The following PAK4 variants were observed in gnomAD, a reference collection of about 807,000 sequenced individuals.
PAK4 encodes serine/threonine-protein kinase PAK 4.
Under a neutral mutation model 53.5 loss-of-function variants are expected in PAK4, and 49 were observed. That is an observed-to-expected ratio of 0.92 (90% CI 0.73 to 1.16). The LOEUF is 1.16. Among genes scored for constraint, PAK4 ranks in the 50% most tolerant of loss-of-function variants. PAK4 has a pLI of 0.00. For synonymous variants in PAK4, 376 were observed against 375.6 expected (o/e 1.00, Z -0.01); for missense variants, 824 against 850.7 (o/e 0.97, Z 0.39).
At chr19:39,179,834 GAC>G (rs985313623), downstream of PAK4, 1 of 152,274 alleles carries the variant, frequency 6.6e-6, no homozygotes, top group Non-Finnish European at 1.5e-5. Context: ...GCTTCGGAGA[GAC>G]ACCCTGTGAA....
chr19:39,165,827 C>G (rs867677135), intron 1 of PAK4, among the ~76,000 whole-genome samples: 1 of 152,230 alleles, frequency 6.6e-6, no homozygotes, highest in Admixed American at 6.5e-5. Flanking sequence ...CCGGAACCCG[C>G]GAATCTCTGC....
intron 1 of PAK4, among the ~76,000 whole-genome samples, chr19:39,144,543 TG>T (rs1430683746): frequency 6.6e-6 from 1 of 152,170 alleles, no homozygotes; most frequent in Non-Finnish European, 1.5e-5. Context: ...CTTGTTGATC[TG>T]GGTTTGTTCT....
intron 7 of PAK4, 147 bp from the exon 9 acceptor site, chr19:39,177,528 G>C: frequency 2.6e-6 from 2 of 776,224 alleles, no homozygotes; most frequent in Non-Finnish European, 3.9e-6. Context: ...TCTGTGGACT[G>C]CTGGCTGGGT....
At chr19:39,164,856 G>T (rs1240757761) in intron 1 of PAK4, among the ~76,000 whole-genome samples, 1 of 152,148 alleles carries the variant, frequency 6.6e-6, no homozygotes, top group Admixed American at 6.6e-5. Context: ...TCTGCTCTGG[G>T]CCATGGGTCC....
At position 39,175,222 on chromosome 19, in the gene PAK4, G is replaced by C; in HGVS notation, c.1233-90G>C. On this transcript the variant is annotated intron_variant, in intron 5 of 8. Transcript: ENST00000358301. The surrounding 1 kb of genome is among the most constrained non-coding windows in gnomAD (Gnocchi z 4.7). ...TCCAGAGTGGGGTCGAGTGGTCTCA[G>C]ATTCCTCCCACTGCAAGGCAGGGCT... The C allele has an allele frequency of 6.7e-7, 1 of 1,487,338 alleles. No individual in the cohort carries two copies. The highest frequency in any genetic ancestry group is 2.4e-5 in the East Asian group (1 of 41,774). The allele number at this position is 1,487,338 out of a possible 1,614,324, so 92.1% of individuals were successfully genotyped here. A position where few individuals can be genotyped will look rare whatever the true frequency, so the allele number is the denominator to read the frequency against.
chr19:39,173,993 G>T lies in PAK4; in HGVS notation c.1081G>T (p.Glu361Ter). The T allele has an allele frequency of 6.3e-7, 1 of 1,599,220 alleles. No homozygotes were observed. Among genetic ancestry groups the T allele is most frequent in the Non-Finnish European group, 8.5e-7 (1 of 1,175,178 alleles). Residue 361 changes from glutamate (E) to a stop codon, truncating the protein, a stop_gained, in exon 4 of 9, where the codon GAG becomes TAG. Coordinates refer to ENST00000358301, the Ensembl canonical transcript of PAK4. LOFTEE classifies it high-confidence loss of function. This position sits in a 1 kb window ranked among gnomAD's most constrained non-coding sequence, Gnocchi z 6.9. ...GGACCTGCGCAAGCAGCAGAGGCGCGAGCTGCTCTTCAACGAGGTGCGGGC... is the reference window on the plus strand; with the variant it reads ...GGACCTGCGCAAGCAGCAGAGGCGCTAGCTGCTCTTCAACGAGGTGCGGGC...
At chr19:39,128,392 G>A (rs961468550) in intron 1 of PAK4, among the ~76,000 whole-genome samples, 2 of 152,138 alleles carry the variant, frequency 1.3e-5, no homozygotes, top group African/African-American at 2.4e-5. Context: ...GCTCTGGCAG[G>A]GTCAGGGAGC....
exon 1 of PAK4, chr19:39,125,825 C>A (rs543138460): frequency 1.3e-5 from 2 of 153,282 alleles, no homozygotes; most frequent in Non-Finnish European, 2.9e-5. Flanking sequence ...CGGGAGTGTC[C>A]GCGGTGGTGG....
In PAK4 at chr19:39,175,467, G is replaced by T. The variant is rs777315230; in HGVS notation, c.1359+29G>T. The T allele has an allele frequency of 2.5e-6, 4 of 1,586,328 alleles. No homozygotes were observed. Among genetic ancestry groups the T allele is most frequent in the Non-Finnish European group, 3.4e-6 (4 of 1,165,324 alleles). On this transcript the variant is annotated intron_variant, in intron 6 of 8. Transcript: ENST00000358301. The surrounding 1 kb of genome is among the most constrained non-coding windows in gnomAD (Gnocchi z 4.7). ...AGGGGACGGGCGGCGGGGTACGGGG[G>T]CGGCAGGTTTCCGGCTGCGGGGCTT...
exon 7 of PAK4, chr19:39,176,674 A>T: frequency 6.2e-7 from 1 of 1,612,722 alleles, no homozygotes; most frequent in Non-Finnish European, 8.5e-7. Context: ...GCCCTACTGG[A>T]TGGCCCCAGA....
intron 1 of PAK4, among the ~76,000 whole-genome samples, chr19:39,166,315 G>A (rs1166448143): frequency 7.2e-5 from 11 of 152,334 alleles, no homozygotes; most frequent in Middle Eastern, 3.4e-3. Context: ...GTGGTGGCAG[G>A]CGCCTGTAAT....
chr19:39,180,728 G>T (rs1030892441), downstream of PAK4: 2 of 152,262 alleles, frequency 1.3e-5, no homozygotes, highest in Admixed American at 6.5e-5. Flanking sequence ...ACAGGCATGA[G>T]CCACCATGCC....
intron 2 of PAK4, among the ~76,000 whole-genome samples, chr19:39,172,219 G>A (rs1167526722): frequency 6.6e-6 from 1 of 151,520 alleles, no homozygotes; most frequent in Non-Finnish European, 1.5e-5. Context: ...GGCCCTGGGC[G>A]CAGGGGGGCG....
Position 39,173,703 on chromosome 19 carries a change from C to T in PAK4, c.791C>T (p.Pro264Leu). ...GCCCCCAGCCCTGGAGTGCTGGGACCCCACGCCTCAGAGCCCCAGCTGGCC... is the reference window on the plus strand; with the variant it reads ...GCCCCCAGCCCTGGAGTGCTGGGACTCCACGCCTCAGAGCCCCAGCTGGCC... The change falls in exon 4 of 9, where the codon CCC becomes CTC. Residue 264 changes from proline (P) to leucine (L), a missense_variant. Pro to Leu is a moderately conservative substitution (Grantham distance 98, BLOSUM62 -3). Coordinates refer to ENST00000358301, the Ensembl canonical transcript of PAK4. The surrounding 1 kb of genome is among the most constrained non-coding windows in gnomAD (Gnocchi z 6.9). 1 of 1,584,484 alleles carries T rather than the reference C, an allele frequency of 6.3e-7. No homozygotes were observed. The highest frequency in any genetic ancestry group is 8.6e-7 in the Non-Finnish European group (1 of 1,167,454).
At chr19:39,167,620 C>T (rs2074399192) in intron 1 of PAK4, among the ~76,000 whole-genome samples, 1 of 152,282 alleles carries the variant, frequency 6.6e-6, no homozygotes, top group East Asian at 1.9e-4. Flanking sequence ...CTTGGCCAGG[C>T]CCGGCTCTGA....
In PAK4 at chr19:39,178,364, C is replaced by T. The variant is rs1600418688; in HGVS notation, c.1621-60C>T. On this transcript the variant is annotated intron_variant, in intron 8 of 8. Transcript: ENST00000358301. This position sits in a 1 kb window ranked among gnomAD's most constrained non-coding sequence, Gnocchi z 4.4. ...GACTTGGCAGAGGCGGACACTGCAG[C>T]CCTACAGCAAATGAACAGTGGGGAG... 2.0e-6 allele frequency: 3 copies of T among 1,533,404 alleles called. No homozygotes were observed. Among genetic ancestry groups the T allele is most frequent in the Non-Finnish European group, 2.6e-6 (3 of 1,136,430 alleles). 95.0% of individuals were successfully genotyped at this position (1,533,404 alleles called of 1,614,324 possible).
At position 39,173,926 on chromosome 19, in the gene PAK4, C is replaced by T. The variant is rs370908993; in HGVS notation, c.1014C>T (p.Ala338=). The change falls in exon 4 of 9, where the codon GCC becomes GCT. Residue 338 remains alanine, a synonymous_variant. Transcript: ENST00000358301. This position sits in a 1 kb window ranked among gnomAD's most constrained non-coding sequence, Gnocchi z 6.9. Reference sequence around the variant, plus strand: ...GCTCCACGGGCATCGTGTGCATCGCCACCGTGCGCAGCTCGGGCAAGCTGG... The same window carrying T: ...GCTCCACGGGCATCGTGTGCATCGCTACCGTGCGCAGCTCGGGCAAGCTGG... 3.1e-6 allele frequency: 5 copies of T among 1,611,664 alleles called. No homozygotes were observed. The African/African-American group carries it at 4.0e-5, about 13-fold the overall frequency.
chr19:39,127,971 A>T (rs1394234201), intron 1 of PAK4, among the ~76,000 whole-genome samples: 1 of 152,118 alleles, frequency 6.6e-6, no homozygotes, highest in African/African-American at 2.4e-5. Flanking sequence ...TCAGGGCAAG[A>T]CGCTGAGGGG....
intron 1 of PAK4, among the ~76,000 whole-genome samples, chr19:39,160,635 C>G (rs765536785): frequency 3.3e-5 from 5 of 152,148 alleles, no homozygotes; most frequent in Non-Finnish European, 7.4e-5. Flanking sequence ...AAGACATACA[C>G]GGAGGCAGCC....
Sources: allele counts gnomAD v4.1 joint callset (sites outside exome capture counted in the v4.1 genomes callset), GRCh38; gene constraint gnomAD v4.1.1; non-coding constraint Gnocchi (gnomAD v3.1); transcripts MANE v1.5; gene names NCBI Gene and HGNC (gene_info 2026-07-23, HGNC 2026-07-21).